The following CDH13 variants were observed in gnomAD, a reference collection of about 807,000 sequenced individuals.
CDH13 encodes cadherin-13.
Under a neutral mutation model 63.8 loss-of-function variants are expected in CDH13, and 24 were observed. The observed-to-expected ratio is 0.38, with a 90% CI of 0.27 to 0.53. CDH13 has a LOEUF of 0.53. CDH13 is among the 20% of genes least tolerant of loss of function. The pLI, the probability that CDH13 is intolerant of heterozygous loss-of-function variation, is 0.85. For synonymous variants in CDH13, 503 were observed against 355.3 expected (o/e 1.42, Z -4.67); for missense variants, 1,049 against 903.1 (o/e 1.16, Z -2.07).
intron 8 of CDH13, among the ~76,000 whole-genome samples, chr16:83,659,984 G>A (rs1470084311): frequency 2.0e-5 from 3 of 151,650 alleles, no homozygotes; most frequent in East Asian, 1.9e-4. Context: ...ACGGGATTTC[G>A]CCATATTAGT....
intron 6 of CDH13, among the ~76,000 whole-genome samples, chr16:83,466,170 C>G (rs566267066): frequency 1.3e-4 from 20 of 152,314 alleles, no homozygotes; most frequent in African/African-American, 4.8e-4. Context: ...TGACGTTACG[C>G]TGTTTCCGTT....
At chr16:82,804,566 ATCT>A (rs2037050464) in intron 1 of CDH13, among the ~76,000 whole-genome samples, 1 of 152,200 alleles carries the variant, frequency 6.6e-6, no homozygotes, top group Non-Finnish European at 1.5e-5. Context: ...TTGTGTGAAC[ATCT>A]TCCTCATTTT....
At chr16:83,325,109 G>A (rs532150247) in intron 5 of CDH13, among the ~76,000 whole-genome samples, 8 of 152,252 alleles carry the variant, frequency 5.3e-5, no homozygotes, top group African/African-American at 1.9e-4. Flanking sequence ...ATGGGATCTC[G>A]TTATTATATT....
chr16:83,010,475 G>A (rs1209754493), intron 2 of CDH13, among the ~76,000 whole-genome samples: 1 of 152,036 alleles, frequency 6.6e-6, no homozygotes, highest in Non-Finnish European at 1.5e-5. Flanking sequence ...GTAATGTTGT[G>A]CTCTCACTTT....
At chr16:83,520,855 C>T (rs917993855) in intron 7 of CDH13, among the ~76,000 whole-genome samples, 12 of 152,314 alleles carry the variant, frequency 7.9e-5, no homozygotes, top group Middle Eastern at 3.4e-3. Context: ...GGCCTCAGTT[C>T]TGCCCAGCTC....
intron 4 of CDH13, among the ~76,000 whole-genome samples, chr16:83,191,484 T>C (rs59380529): frequency 1.5e-4 from 16 of 109,618 alleles, no homozygotes; most frequent in African/African-American, 2.8e-4. Flanking sequence ...TATATATATA[T>C]ATATGCACAT....
chr16:83,670,694 A>T, intron 8 of CDH13, 96 bp from the exon 9 acceptor site: 2 of 1,012,850 alleles, frequency 2.0e-6, no homozygotes, highest in Non-Finnish European at 3.0e-6. Flanking sequence ...TTTATTTTTA[A>T]GTGAGATGAT....
At chr16:83,613,050 T>G (rs1014228820) in intron 8 of CDH13, among the ~76,000 whole-genome samples, 4 of 152,212 alleles carry the variant, frequency 2.6e-5, no homozygotes, top group Non-Finnish European at 5.9e-5. Flanking sequence ...TTTTGAAGAA[T>G]ATTTTCACTG....
chr16:83,075,055 C>G (rs1190167740), intron 3 of CDH13, among the ~76,000 whole-genome samples: 1 of 152,134 alleles, frequency 6.6e-6, no homozygotes, highest in Non-Finnish European at 1.5e-5. Flanking sequence ...AGATAAACAT[C>G]CTTGGGTCCA....
At chr16:82,754,893 T>G (rs1291782417) in intron 1 of CDH13, among the ~76,000 whole-genome samples, 1 of 152,218 alleles carries the variant, frequency 6.6e-6, no homozygotes, top group Non-Finnish European at 1.5e-5. Flanking sequence ...AAGGTATTTT[T>G]GGTTCATTAC....
At chr16:83,085,118 A>G (rs2033500165) in intron 3 of CDH13, among the ~76,000 whole-genome samples, 5 of 152,044 alleles carry the variant, frequency 3.3e-5, no homozygotes. Context: ...GACTGGGAAG[A>G]AAAAGAGGTT....
intron 1 of CDH13, chr16:82,705,012 C>G (rs2031369850): frequency 2.6e-6 from 1 of 387,390 alleles, no homozygotes; most frequent in African/African-American, 2.1e-5. Flanking sequence ...AATGACCATG[C>G]ATTGCCACTG....
intron 7 of CDH13, among the ~76,000 whole-genome samples, chr16:83,505,187 C>T (rs1400572576): frequency 6.6e-6 from 1 of 152,204 alleles, no homozygotes; most frequent in African/African-American, 2.4e-5. Context: ...AATCTAGCCT[C>T]CAGATCCCCA....
chr16:82,926,599 A>G (rs559078413), intron 2 of CDH13, among the ~76,000 whole-genome samples: 21 of 152,184 alleles, frequency 1.4e-4, no homozygotes, highest in Non-Finnish European at 2.9e-4. Context: ...CTAGATTCCT[A>G]GAAGAGGGAG....
At chr16:82,872,007 C>A (rs1351865900) in intron 2 of CDH13, among the ~76,000 whole-genome samples, 1 of 152,180 alleles carries the variant, frequency 6.6e-6, no homozygotes, top group African/African-American at 2.4e-5. Context: ...CAAGAAAATT[C>A]TGTACTTCTC....
intron 2 of CDH13, among the ~76,000 whole-genome samples, chr16:82,983,683 C>T (rs571488772): frequency 1.6e-4 from 24 of 152,270 alleles, no homozygotes; most frequent in African/African-American, 5.5e-4. Flanking sequence ...GATTTGGGAA[C>T]AGTTCAGGGG....
chr16:83,787,329 C>G (rs891938116), intron 13 of CDH13, among the ~76,000 whole-genome samples: 9 of 152,134 alleles, frequency 5.9e-5, no homozygotes, highest in African/African-American at 2.2e-4. Flanking sequence ...TTGTTTCTGT[C>G]TTTTGTACCA....
chr16:82,857,883 A>T (rs968935434), intron 1 of CDH13, among the ~76,000 whole-genome samples: 15 of 152,294 alleles, frequency 9.8e-5, no homozygotes, highest in African/African-American at 3.6e-4. Context: ...CCGGTGGTTC[A>T]TGGTCACCAT....
intron 6 of CDH13, among the ~76,000 whole-genome samples, chr16:83,372,335 A>G (rs1165695552): frequency 2.6e-5 from 4 of 152,212 alleles, no homozygotes; most frequent in South Asian, 2.1e-4. Flanking sequence ...TGTATCTCAA[A>G]TCATGACAGT....
Sources: gnomAD v4.1 joint callset for allele counts (sites outside exome capture counted in the v4.1 genomes callset) on GRCh38, gnomAD v4.1.1 for gene constraint, MANE v1.5 for transcripts, NCBI Gene and HGNC (gene_info 2026-07-23, HGNC 2026-07-21) for gene names.